ATXN3: variants seen among roughly 807,000 people sequenced by gnomAD.
ATXN3 encodes ataxin 3, also known as ataxin-3.
In ATXN3, 28 loss-of-function variants were observed where a neutral mutation model predicts 58.2. The observed-to-expected ratio is 0.48, with a 90% CI of 0.36 to 0.66. The LOEUF (loss-of-function observed/expected upper bound fraction) is 0.66, where lower values mean the gene tolerates loss of function less well. Ranked by LOEUF, ATXN3 falls within the 30% of genes least tolerant of loss-of-function variation. ATXN3 has a pLI of 0.00. For synonymous variants in ATXN3, 113 were observed against 138.5 expected (o/e 0.82, Z 1.29); for missense variants, 321 against 422.1 (o/e 0.76, Z 2.10).
At chr14:92,106,297 C>T (rs2068356485) in intron 1 of ATXN3, among the ~76,000 whole-genome samples, 1 of 152,148 alleles carries the variant, frequency 6.6e-6, no homozygotes, top group Non-Finnish European at 1.5e-5. Flanking sequence ...GCCCCCGGCC[C>T]CGCCCATACT....
chr14:92,056,171 G>A (rs2057464378), downstream of ATXN3, among the ~76,000 whole-genome samples: 1 of 152,162 alleles, frequency 6.6e-6, no homozygotes, highest in African/African-American at 2.4e-5. Flanking sequence ...ACGAGCCTTA[G>A]CAGGACTCTG....
chr14:92,060,680 GTAC>G lies in ATXN3; in HGVS notation c.*3637_*3639del, dbSNP rs1336817388. On this transcript the variant is annotated 3_prime_UTR_variant, in exon 11 of 11. Transcript: ENST00000644486. ...TATGCACTGAATCTATTTTTTATCTGTACAGGTCCAATGGGCCGGTTTTAAGAA... is the reference window on the plus strand; with the variant it reads ...TATGCACTGAATCTATTTTTTATCTGAGGTCCAATGGGCCGGTTTTAAGAA... 1.3e-5 allele frequency: 2 copies of G among 151,050 alleles called. No individual in the cohort carries two copies. The highest frequency in any genetic ancestry group is 4.9e-5 in the African/African-American group (2 of 41,066). The allele number at this position is 151,050 out of a possible 1,614,324, so 9.4% of individuals were successfully genotyped here.
At chr14:92,103,655 A>T (rs534180475) in intron 1 of ATXN3, among the ~76,000 whole-genome samples, 10 of 152,202 alleles carry the variant, frequency 6.6e-5, no homozygotes, top group Non-Finnish European at 1.3e-4. Flanking sequence ...ATATTTATTG[A>T]GTACTTACTC....
In ATXN3 at chr14:92,068,941, A is replaced by G. The variant is rs73323771; in HGVS notation, c.991+1994T>C. Among the ~76,000 whole-genome samples the G allele has an allele frequency of 4.0e-3, 616 of 152,256 alleles. 3 individuals carry two copies. The highest frequency in any genetic ancestry group is 0.014 in the African/African-American group (579 of 41,560). ...GGTGTTTTGGCTGTACTTAAACAGGAGGAATAGAAAAAAGTACCAGTTCAT... is the reference window on the plus strand; with the variant it reads ...GGTGTTTTGGCTGTACTTAAACAGGGGGAATAGAAAAAAGTACCAGTTCAT... On this transcript the variant is annotated intron_variant, in intron 10 of 10. Transcript: ENST00000644486.
At chr14:92,055,425 G>A (rs1160222560), downstream of ATXN3, among the ~76,000 whole-genome samples, 6 of 152,024 alleles carry the variant, frequency 3.9e-5, no homozygotes, top group Non-Finnish European at 4.4e-5. The surrounding 1 kb of genome is among the most constrained non-coding windows in gnomAD (Gnocchi z 4.5). Context: ...GTACATTCAC[G>A]TTGTTGTGCA....
rs55934123 is a variant in ATXN3, at chr14:92,103,080, A to G, written c.24+3449T>C. ...AAAGCACCAATACAAATGGCACAGT[A>G]ACTGCACCAAGAAACATCAGCAAGA... On this transcript the variant is annotated intron_variant, in intron 1 of 10. Coordinates refer to ENST00000644486, the MANE Select transcript of ATXN3 (RefSeq NM_004993.6). Among the ~76,000 whole-genome samples the G allele has an allele frequency of 4.2e-3, 637 of 151,954 alleles. 3 individuals are homozygous for G. The highest frequency in any genetic ancestry group is 0.014 in the African/African-American group (595 of 41,412).
At chr14:92,071,359 G>A in intron 9 of ATXN3, 1 of 451,020 alleles carries the variant, frequency 2.2e-6, no homozygotes, top group Non-Finnish European at 4.1e-6. Context: ...ACTTTGGGAG[G>A]CCGAGGCGGG....
upstream of ATXN3, among the ~76,000 whole-genome samples, chr14:92,050,072 A>T (rs531690027): frequency 6.6e-6 from 1 of 152,274 alleles, no homozygotes; most frequent in South Asian, 2.1e-4. Context: ...GAAACTTAAT[A>T]AATAATGTGA....
At chr14:92,097,130 T>G (rs144972902) in intron 1 of ATXN3, among the ~76,000 whole-genome samples, 11 of 151,942 alleles carry the variant, frequency 7.2e-5, no homozygotes, top group Non-Finnish European at 1.6e-4. Context: ...AGGATGGTCT[T>G]GATCTCCTGA....
In ATXN3 at chr14:92,077,352, C is replaced by T. The variant is rs963666457; in HGVS notation, c.872+3613G>A. 6.4e-4 allele frequency among the ~76,000 whole-genome samples: 94 copies of T among 147,364 alleles called. 1 individual carries two copies. The highest frequency in any genetic ancestry group is 1.1e-3 in the Non-Finnish European group (71 of 66,608). On this transcript the variant is annotated intron_variant, in intron 9 of 10. Transcript: ENST00000644486. ...ACTGAAGGAGGTGAGAGTATGCTTT[C>T]TTTTTTTTTTTTGAGACAGAGCCTC...
rs912325566 is a variant in ATXN3 at position 92,063,875 on chromosome 14, C to G, written c.*445G>C. 2 of 154,802 alleles carry G rather than the reference C, an allele frequency of 1.3e-5. No homozygotes were observed. The highest frequency in any genetic ancestry group is 4.8e-5 in the African/African-American group (2 of 41,430). 9.6% of individuals were successfully genotyped at this position (154,802 alleles called of 1,614,324 possible). A position where few individuals can be genotyped will look rare whatever the true frequency, so the allele number is the denominator to read the frequency against. ...TATCAACATCAGGAAAGTAGAGATACTTTCCTGAAAGGTTAATTTGGTTAA... is the reference window on the plus strand; with the variant it reads ...TATCAACATCAGGAAAGTAGAGATAGTTTCCTGAAAGGTTAATTTGGTTAA... On this transcript the variant is annotated 3_prime_UTR_variant, in exon 11 of 11. Transcript: ENST00000644486.
rs2057922336 is a variant in ATXN3 at position 92,063,469 on chromosome 14, GAGA to G, written c.*848_*850del. ...ATGCTTCTCCTAGTTTTCTCAATTG[GAGA>G]AGAAAGGAAAAAATAAGGCGCAGGA... is the stretch of plus-strand genomic sequence containing the variant. On this transcript the variant is annotated 3_prime_UTR_variant, in exon 11 of 11. Transcript: ENST00000644486. 6.6e-6 allele frequency: 1 copy of G among 152,140 alleles called. No homozygotes were observed. Among genetic ancestry groups the G allele is most frequent in the East Asian group, 1.9e-4 (1 of 5,202 alleles). The allele number at this position is 152,140 out of a possible 1,614,324, so 9.4% of individuals were successfully genotyped here.
rs377603133 is a variant in ATXN3, at chr14:92,096,675, T to C, written c.188A>G (p.Gln63Arg). The change falls in exon 2 of 11, where the codon CAG (glutamine) becomes CGG (arginine). Residue 63 changes from glutamine (Q) to arginine (R), a missense_variant and splice_region_variant. This residue lies in a region of ATXN3 where 121 missense variants were observed against 198.9 expected (regional missense o/e 0.61). Transcript: ENST00000644486. ...ACTTAGTGAGTTTAAAATCAGTACC[T>C]GTAAAAACGTGCGATAATCTTCACT... ...VTSEDYRTFL[Q>R]QPSGNMDDSG... 1.2e-6 allele frequency: 2 copies of C among 1,606,722 alleles called. No homozygotes were observed. The highest frequency in any genetic ancestry group is 1.7e-6 in the Non-Finnish European group (2 of 1,176,896).
downstream of ATXN3, among the ~76,000 whole-genome samples, chr14:92,057,764 T>C (rs2057489896): frequency 6.6e-6 from 1 of 152,186 alleles, no homozygotes; most frequent in Non-Finnish European, 1.5e-5. Context: ...GTGTCCAGAG[T>C]TGGATAAAAT....
At chr14:92,071,832 C>G (rs1209547955) in intron 9 of ATXN3, among the ~76,000 whole-genome samples, 2 of 152,206 alleles carry the variant, frequency 1.3e-5, no homozygotes, top group Non-Finnish European at 2.9e-5. Flanking sequence ...GATGCCTTTC[C>G]TGACCATCCC....
downstream of ATXN3, among the ~76,000 whole-genome samples, chr14:92,057,532 A>G (rs1595429252): frequency 6.6e-6 from 1 of 152,122 alleles, no homozygotes; most frequent in Non-Finnish European, 1.5e-5. Context: ...TTAATGAACT[A>G]GCTTTCAATT....
At position 92,070,918 on chromosome 14, in the gene ATXN3, T is replaced by C. The variant is rs761293315; in HGVS notation, c.991+17A>G. 1 of 1,613,038 alleles carries C rather than the reference T, an allele frequency of 6.2e-7. No individual in the cohort carries two copies. The highest frequency in any genetic ancestry group is 8.5e-7 in the Non-Finnish European group (1 of 1,179,694). On this transcript the variant is annotated intron_variant, in intron 10 of 10. Transcript: ENST00000644486. ...GTGTGAAGGTAGCGAACATGATGAA[T>C]GGTGAGCAGGCCTTACCTAGATCAC...
At chr14:92,077,379 C>T (rs2060595080) in intron 9 of ATXN3, among the ~76,000 whole-genome samples, 1 of 151,494 alleles carries the variant, frequency 6.6e-6, no homozygotes, top group Non-Finnish European at 1.5e-5. Flanking sequence ...CAGAGCCTCG[C>T]TCTGTCGCCC....
intron 10 of ATXN3, among the ~76,000 whole-genome samples, chr14:92,066,134 C>T (rs1054008997): frequency 1.3e-5 from 2 of 151,796 alleles, no homozygotes; most frequent in Admixed American, 6.6e-5. Flanking sequence ...GATAAATGCC[C>T]AGGAGTATAG....
Sources: allele counts gnomAD v4.1 joint callset (sites outside exome capture counted in the v4.1 genomes callset), GRCh38; gene constraint gnomAD v4.1.1; regional missense constraint gnomAD v4.1.1; non-coding constraint Gnocchi (gnomAD v3.1); transcripts MANE v1.5; gene names NCBI Gene and HGNC (gene_info 2026-07-23, HGNC 2026-07-21).